Variants in LTBP2 observed in about 807,000 individuals in gnomAD.
LTBP2 encodes latent-transforming growth factor beta-binding protein 2.
Under a neutral mutation model 210.6 loss-of-function variants are expected in LTBP2, and 103 were observed. The ratio of observed to expected loss-of-function variants is 0.49; its 90% CI spans 0.42 to 0.58. The LOEUF is 0.58. LTBP2 is among the 20% of genes least tolerant of loss of function. The probability of loss-of-function intolerance (pLI) is 0.00; values close to 1 mark genes in which losing one functional copy is unlikely to be tolerated. For missense variants in LTBP2, 2,313 were observed against 2,494.5 expected (o/e 0.93, Z 1.55); for synonymous variants, 1,007 against 1,015.0 (o/e 0.99, Z 0.15).
At chr14:74,545,644 C>A (rs2087567123) in intron 8 of LTBP2, among the ~76,000 whole-genome samples, 1 of 152,230 alleles carries the variant, frequency 6.6e-6, no homozygotes, top group South Asian at 2.1e-4. Flanking sequence ...GGGCAGTGGC[C>A]AACTTTCCAG....
intron 3 of LTBP2, among the ~76,000 whole-genome samples, chr14:74,577,644 G>A (rs1206044226): frequency 6.6e-6 from 1 of 151,826 alleles, no homozygotes; most frequent in Non-Finnish European, 1.5e-5. Context: ...AAGTAGCTGG[G>A]ATTACAGATG....
intron 17 of LTBP2, among the ~76,000 whole-genome samples, chr14:74,518,341 C>T (rs971538663): frequency 6.6e-6 from 1 of 152,220 alleles, no homozygotes; most frequent in Non-Finnish European, 1.5e-5. Context: ...TCAAGCCTGG[C>T]GTGTGAGATC....
At chr14:74,553,876 T>TGA (rs1246898550) in intron 4 of LTBP2, among the ~76,000 whole-genome samples, 2 of 150,830 alleles carry the variant, frequency 1.3e-5, no homozygotes, top group Non-Finnish European at 2.9e-5. Flanking sequence ...ACCATGAGTT[T>TGA]GAGAAGCTTG....
Position 74,552,953 on chromosome 14 carries a change from G to A in LTBP2, c.1131C>T (p.Asp377=), listed in dbSNP as rs1483014153. 1.2e-6 allele frequency: 2 copies of A among 1,614,054 alleles called. No homozygotes were observed. The highest frequency in any genetic ancestry group is 1.7e-6 in the Non-Finnish European group (2 of 1,179,972). Residue 377 remains aspartate (D), a synonymous_variant, in exon 5 of 36, where the codon GAC becomes GAT. Transcript: ENST00000261978. The part of the protein sequence containing the change: ...GHCANSCERG[D]TTTLYSQGGH... ...CGCCCTGGCTGTACAGGGTGGTGGTGTCGCCCCTCTCACAGCTGTTGGCAC... is the reference window on the plus strand; with the variant it reads ...CGCCCTGGCTGTACAGGGTGGTGGTATCGCCCCTCTCACAGCTGTTGGCAC...
intron 13 of LTBP2, among the ~76,000 whole-genome samples, chr14:74,527,008 C>G (rs555314159): frequency 7.2e-5 from 11 of 152,320 alleles, no homozygotes; most frequent in African/African-American, 2.6e-4. Context: ...GGAAGCAGCT[C>G]CACACCTCGT....
chr14:74,503,833 T>C, intron 31 of LTBP2, 93 bp downstream of exon 31: 1 of 1,559,504 alleles, frequency 6.4e-7, no homozygotes, highest in Non-Finnish European at 8.7e-7. Flanking sequence ...GAAGGGGGAC[T>C]CTCAGCAATA....
In LTBP2 at chr14:74,552,176, C is replaced by T; in HGVS notation, c.1399+11G>A. On this transcript the variant is annotated intron_variant, in intron 6 of 35. Coordinates refer to ENST00000261978, the MANE Select transcript of LTBP2 (RefSeq NM_000428.3). ...CCAGGGTCCCGCCGGCCCAGCTGTG[C>T]CGGCACTCACCCAGCTGGTTGGAGA... The T allele has an allele frequency of 2.6e-6, 4 of 1,567,556 alleles. No individual in the cohort carries two copies. In the South Asian group the frequency reaches 3.4e-5, roughly 13 times the overall value.
At position 74,603,810 on chromosome 14, in the gene LTBP2, A is replaced by G. The variant is rs148211734; in HGVS notation, c.495-105T>C. On this transcript the variant is annotated intron_variant, in intron 1 of 35. Transcript: ENST00000261978. ...TTCTAGAGGCAGGGCCTGGAGGAAC[A>G]TGGAGAGGCTGGGAAGGCTGTCCCT... 53 of 931,050 alleles carry G rather than the reference A, an allele frequency of 5.7e-5. No homozygotes were observed. The African/African-American group carries it at 6.6e-4, about 12-fold the overall frequency. The allele number at this position is 931,050 out of a possible 1,614,324, so 57.7% of individuals were successfully genotyped here. A position where few individuals can be genotyped will look rare whatever the true frequency, so the allele number is the denominator to read the frequency against.
chr14:74,504,363 G>A (rs1180600868), intron 30 of LTBP2, among the ~76,000 whole-genome samples: 1 of 152,216 alleles, frequency 6.6e-6, no homozygotes, highest in Admixed American at 6.5e-5. Context: ...GGGTGCTGAG[G>A]GGCGCAGTAC....
intron 4 of LTBP2, among the ~76,000 whole-genome samples, chr14:74,555,163 T>C (rs1001572438): frequency 3.3e-5 from 5 of 151,724 alleles, no homozygotes; most frequent in African/African-American, 1.2e-4. Context: ...CCAGGAGAGT[T>C]GGGGTTTGTA....
chr14:74,528,903 G>T (rs958481452), intron 11 of LTBP2, 55 bp downstream of exon 11: 21 of 1,594,112 alleles, frequency 1.3e-5, no homozygotes, highest in Non-Finnish European at 1.7e-5. Context: ...TGGCAACATG[G>T]TCACTGGCCT....
At position 74,528,996 on chromosome 14, in the gene LTBP2, C is replaced by A; in HGVS notation, c.2114G>T (p.Trp705Leu). 1 of 1,609,074 alleles carries A rather than the reference C, an allele frequency of 6.2e-7. No homozygotes were observed. Among genetic ancestry groups the A allele is most frequent in the African/African-American group, 1.3e-5 (1 of 75,022 alleles). ...ICCCSRVGKAWGSECEKCPLP... is the reference protein window; with the variant it reads ...ICCCSRVGKALGSECEKCPLP... ...AGGGCATTTCTCACACTCGCTGCCC[C>A]ATGCTTTGCCCACGCGGCTGCAGCA... Residue 705 changes from tryptophan to leucine, a missense_variant, in exon 11 of 36, where the codon TGG (tryptophan) becomes TTG (leucine). Transcript: ENST00000261978.
In LTBP2 at chr14:74,593,313, T is replaced by C. The variant is rs565339955; in HGVS notation, c.566-7195A>G. The stretch of plus-strand genomic sequence containing the variant: ...ACCATCTGCTCAGAGCCCCTGCTCA[T>C]TGGCTACTGGGTAGTAGCAAGAACA... On this transcript the variant is annotated intron_variant, in intron 2 of 35. Coordinates refer to ENST00000261978, the MANE Select transcript of LTBP2 (RefSeq NM_000428.3). Among the ~76,000 whole-genome samples, 393 of 152,264 alleles carry C rather than the reference T, an allele frequency of 2.6e-3. 3 individuals are homozygous for C. The highest frequency in any genetic ancestry group is 8.9e-3 in the African/African-American group (371 of 41,556).
chr14:74,546,222 C>G (rs113842546), intron 8 of LTBP2, among the ~76,000 whole-genome samples: 194 of 152,266 alleles, frequency 1.3e-3, no homozygotes, highest in African/African-American at 4.5e-3. Context: ...AATAGGGGCT[C>G]AGAGAGGCAA....
At chr14:74,553,681 G>T (rs1355083175) in intron 4 of LTBP2, among the ~76,000 whole-genome samples, 1 of 152,096 alleles carries the variant, frequency 6.6e-6, no homozygotes, top group Non-Finnish European at 1.5e-5. Context: ...GTGCTGGGGG[G>T]TCCGGAGGCA....
At chr14:74,572,704 T>C (rs2088000326) in intron 3 of LTBP2, among the ~76,000 whole-genome samples, 1 of 152,140 alleles carries the variant, frequency 6.6e-6, no homozygotes, top group Non-Finnish European at 1.5e-5. Context: ...ATTATGACTT[T>C]TGAGACATGT....
chr14:74,566,887 C>G (rs1279690157), intron 3 of LTBP2, among the ~76,000 whole-genome samples: 1 of 152,174 alleles, frequency 6.6e-6, no homozygotes, highest in Non-Finnish European at 1.5e-5. Context: ...ATCCCCAGTG[C>G]TCTGAGGCTC....
chr14:74,581,561 C>T (rs2088136934), intron 3 of LTBP2, among the ~76,000 whole-genome samples: 1 of 152,098 alleles, frequency 6.6e-6, no homozygotes, highest in Admixed American at 6.5e-5. Context: ...AGGGCAGCTC[C>T]TGATATGGCC....
rs1008825435 is a variant in LTBP2, at chr14:74,585,041, C to A, written c.830+813G>T. Among the ~76,000 whole-genome samples, 5 of 152,176 alleles carry A rather than the reference C, an allele frequency of 3.3e-5. No individual in the cohort carries two copies. The South Asian group carries it at 1.0e-3, about 32-fold the overall frequency. On this transcript the variant is annotated intron_variant, in intron 3 of 35. Coordinates refer to ENST00000261978, the MANE Select transcript of LTBP2 (RefSeq NM_000428.3). Reference sequence around the variant, plus strand: ...AGCAGAAAGCGAATGGAAAAACTAACCTGAAAAACGAAAAGGAAAACACAG... The same window carrying A: ...AGCAGAAAGCGAATGGAAAAACTAAACTGAAAAACGAAAAGGAAAACACAG...
Sources: gnomAD v4.1 joint callset for allele counts (sites outside exome capture counted in the v4.1 genomes callset) on GRCh38, gnomAD v4.1.1 for gene constraint, MANE v1.5 for transcripts, NCBI Gene and HGNC (gene_info 2026-07-23, HGNC 2026-07-21) for gene names.